The following ANOS1 variants were observed in gnomAD, a reference collection of about 807,000 sequenced individuals.
ANOS1 encodes the protein anosmin 1, also known as anosmin-1.
A neutral mutation model predicts 59.0 loss-of-function variants in ANOS1; 6 were observed. The observed-to-expected ratio is 0.10, with a 90% CI of 0.06 to 0.20. The LOEUF (loss-of-function observed/expected upper bound fraction) is 0.20, where lower values mean the gene tolerates loss of function less well. Among genes scored for constraint, ANOS1 ranks in the 10% least tolerant of loss-of-function variants. The probability of loss-of-function intolerance (pLI) is 1.00; values close to 1 mark genes in which losing one functional copy is unlikely to be tolerated. For synonymous variants in ANOS1, 217 were observed against 223.4 expected (o/e 0.97, Z 0.25); for missense variants, 433 against 542.3 (o/e 0.80, Z 2.00).
chrX:8,663,967 C>G (rs755420849), intron 2 of ANOS1, among the ~76,000 whole-genome samples: 1 of 111,045 alleles, frequency 9.0e-6, no homozygotes, highest in East Asian at 2.9e-4. Context: ...CCAAACCCTG[C>G]ATGTTCTCAC....
chrX:8,729,712 TA>T (rs1173021674), intron 1 of ANOS1, among the ~76,000 whole-genome samples: 1,848 of 62,954 alleles, frequency 0.029, 30 homozygotes, highest in Middle Eastern at 0.054. Flanking sequence ...TTCTAATTAT[TA>T]AAAAAAAAAA....
At chrX:8,646,504 G>A (rs1404639631) in intron 2 of ANOS1, among the ~76,000 whole-genome samples, 1 of 110,818 alleles carries the variant, frequency 9.0e-6, no homozygotes, top group African/African-American at 3.3e-5. Context: ...AAATGTGAAC[G>A]CTAACACTCA....
intron 2 of ANOS1, among the ~76,000 whole-genome samples, chrX:8,687,593 A>AACAC (rs58384646): frequency 0.043 from 4,103 of 95,614 alleles, 118 homozygotes; most frequent in African/African-American, 0.09. Flanking sequence ...TAATCCAGTA[A>AACAC]ACACACACAC....
At chrX:8,689,263 C>CT (rs1332409647) in intron 2 of ANOS1, among the ~76,000 whole-genome samples, 1 of 110,631 alleles carries the variant, frequency 9.0e-6, no homozygotes, top group African/African-American at 3.3e-5. Context: ...TTTTTCTCTT[C>CT]TTTTTTCTTT....
At chrX:8,667,731 G>C (rs964055396) in intron 2 of ANOS1, among the ~76,000 whole-genome samples, 2 of 111,208 alleles carry the variant, frequency 1.8e-5, no homozygotes, top group African/African-American at 3.3e-5. Context: ...GTAAGGTAGA[G>C]TAAGGTAAGG....
Position 8,594,697 on chromosome X carries a change from T to TGC in ANOS1, c.541+2336_541+2337insGC, listed in dbSNP as rs1569058399. Among the ~76,000 whole-genome samples, 20 of 18,553 alleles carry TGC rather than the reference T, an allele frequency of 1.1e-3. 1 individual carries two copies. The East Asian group carries it at 0.027, about 25-fold the overall frequency. 16.1% of individuals were successfully genotyped at this position (18,553 alleles called of 115,157 possible). ...ATATATATATATATATATATATATA[T>TGC]ACACATATATATACACATATATATA... On this transcript the variant is annotated intron_variant, in intron 4 of 13. Transcript: ENST00000262648.
intron 2 of ANOS1, among the ~76,000 whole-genome samples, chrX:8,663,643 A>G (rs1932078259): frequency 8.9e-6 from 1 of 111,798 alleles, no homozygotes; most frequent in African/African-American, 3.3e-5. Context: ...CTGAATTTCT[A>G]TCTTGTGTTT....
chrX:8,568,995 G>C (rs1438405274), intron 7 of ANOS1, among the ~76,000 whole-genome samples: 3 of 111,744 alleles, frequency 2.7e-5, no homozygotes, highest in African/African-American at 9.8e-5. Context: ...TTATAATAAA[G>C]TAACAGAGAT....
intron 3 of ANOS1, among the ~76,000 whole-genome samples, chrX:8,598,900 G>A (rs113495435): frequency 5.4e-5 from 6 of 111,957 alleles, no homozygotes; most frequent in African/African-American, 9.7e-5. Context: ...TGAATGGAAC[G>A]TAATCAGCAA....
chrX:8,575,852 T>G, intron 6 of ANOS1, among the ~76,000 whole-genome samples: 1 of 111,177 alleles, frequency 9.0e-6, no homozygotes. Context: ...GTCTGTAATC[T>G]TAGTGCTTTG....
intron 2 of ANOS1, among the ~76,000 whole-genome samples, chrX:8,659,785 C>T (rs1481327267): frequency 3.6e-5 from 4 of 109,675 alleles, no homozygotes; most frequent in Admixed American, 9.9e-5. Context: ...TGCGTCACCA[C>T]ACCCAGCTGA....
At chrX:8,536,055 G>A (rs919919658) in intron 11 of ANOS1, among the ~76,000 whole-genome samples, 7 of 110,753 alleles carry the variant, frequency 6.3e-5, no homozygotes, top group Admixed American at 3.8e-4. Context: ...ATCATTTTTA[G>A]AATGCTCTTT....
chrX:8,635,868 T>C (rs1382927111), intron 2 of ANOS1, among the ~76,000 whole-genome samples: 5 of 111,922 alleles, frequency 4.5e-5, no homozygotes, highest in Admixed American at 9.5e-5. Flanking sequence ...GCAGAGCCAT[T>C]AGCCAGGTTT....
chrX:8,691,420 T>C (rs1213746925), intron 2 of ANOS1, among the ~76,000 whole-genome samples: 1 of 111,597 alleles, frequency 9.0e-6, no homozygotes, highest in African/African-American at 3.3e-5. Flanking sequence ...ACTCAAGAAA[T>C]AGTCATATGT....
intron 1 of ANOS1, among the ~76,000 whole-genome samples, chrX:8,717,817 C>A (rs185378712): frequency 1.0e-3 from 115 of 111,996 alleles, no homozygotes; most frequent in African/African-American, 3.5e-3. Context: ...TCAAGACCAG[C>A]CTGGGCAACA....
chrX:8,621,499 G>A (rs983327342), intron 3 of ANOS1, among the ~76,000 whole-genome samples: 7 of 111,835 alleles, frequency 6.3e-5, no homozygotes, highest in African/African-American at 2.3e-4. Flanking sequence ...TTACCAATGC[G>A]GGTAAAAATT....
At chrX:8,701,521 T>C (rs1346272973) in intron 1 of ANOS1, among the ~76,000 whole-genome samples, 1 of 112,052 alleles carries the variant, frequency 8.9e-6, no homozygotes, top group South Asian at 3.7e-4. Flanking sequence ...TACCTATTTG[T>C]AATCACTCCC....
chrX:8,687,461 A>T (rs747340618), intron 2 of ANOS1, among the ~76,000 whole-genome samples: 16 of 102,683 alleles, frequency 1.6e-4, no homozygotes, highest in East Asian at 8.7e-4. Context: ...CATAAATATT[A>T]AAAAAAAAAG....
intron 8 of ANOS1, among the ~76,000 whole-genome samples, chrX:8,555,232 G>A (rs774795583): frequency 5.4e-5 from 6 of 111,612 alleles, no homozygotes; most frequent in Admixed American, 2.9e-4. Flanking sequence ...CTAAAGCAGC[G>A]TTTAGAGGGA....
Sources: gnomAD v4.1 joint callset for allele counts (sites outside exome capture counted in the v4.1 genomes callset) on GRCh38, gnomAD v4.1.1 for gene constraint, MANE v1.5 for transcripts, NCBI Gene and HGNC (gene_info 2026-07-23, HGNC 2026-07-21) for gene names.